ADARB2: variants seen among roughly 807,000 people sequenced by gnomAD.
ADARB2 encodes the protein adenosine deaminase RNA specific B2 (inactive).
ADARB2 carries 25 observed loss-of-function variants against 62.2 expected under a neutral mutation model. That is an observed-to-expected ratio of 0.40 (90% CI 0.29 to 0.56). The LOEUF is 0.56. Ranked by LOEUF, ADARB2 falls within the 20% of genes least tolerant of loss-of-function variation. ADARB2 has a pLI of 0.43. For synonymous variants in ADARB2, 572 were observed against 500.8 expected (o/e 1.14, Z -1.90); for missense variants, 1,071 against 1,077.4 (o/e 0.99, Z 0.08).
In ADARB2 at chr10:1,437,921, C is replaced by T. The variant is rs1218788817; in HGVS notation, c.101-58761G>A. On this transcript the variant is annotated intron_variant, in intron 1 of 9. Transcript: ENST00000381312. The stretch of plus-strand genomic sequence containing the variant: ...CAGATCTGCTATCTTTAATCTTCAA[C>T]GCGAGGCTCCCCACCTGGGGTCTCA... Among the ~76,000 whole-genome samples, 7 of 152,184 alleles carry T rather than the reference C, an allele frequency of 4.6e-5. No individual in the cohort carries two copies. The East Asian group carries it at 7.7e-4, about 17-fold the overall frequency.
Position 1,271,817 on chromosome 10 carries a change from GC to G in ADARB2, c.1078-749del, listed in dbSNP as rs1041178435. Among the ~76,000 whole-genome samples, 7 of 152,304 alleles carry G rather than the reference GC, an allele frequency of 4.6e-5. No individual in the cohort carries two copies. In the East Asian group the frequency reaches 1.2e-3, roughly 25 times the overall value. On this transcript the variant is annotated intron_variant, in intron 3 of 9. Transcript: ENST00000381312. ...AGCACTGCCCTTTCCTTGACATGGG[GC>G]CCCAAGCTTTTCTTCGGGGGCAGTT... is the stretch of plus-strand genomic sequence containing the variant.
In ADARB2 at chr10:1,262,152, G is replaced by T. The variant is rs1430385570; in HGVS notation, c.1192+8803C>A. On this transcript the variant is annotated intron_variant, in intron 4 of 9. Transcript: ENST00000381312. ...CTCTGGGGACTGTGGTGGGGTGGGG[G>T]GAGGGGGGAGGGATAGCATTGGGAG... Among the ~76,000 whole-genome samples the T allele has an allele frequency of 7.9e-4, 81 of 103,078 alleles. 1 individual carries two copies. The highest frequency in any genetic ancestry group is 1.4e-3 in the African/African-American group (35 of 24,760). The allele number at this position is 103,078 out of a possible 152,430, so 67.6% of individuals were successfully genotyped here.
intron 1 of ADARB2, among the ~76,000 whole-genome samples, chr10:1,709,716 C>G (rs1416142965): frequency 2.0e-5 from 3 of 152,166 alleles, no homozygotes; most frequent in Admixed American, 6.5e-5. Context: ...CATGCTTTCT[C>G]TCTGTATAGA....
At chr10:1,245,851 C>T (rs1830981710) in intron 4 of ADARB2, among the ~76,000 whole-genome samples, 1 of 151,394 alleles carries the variant, frequency 6.6e-6, no homozygotes, top group Admixed American at 6.6e-5. Flanking sequence ...GGGTATATAC[C>T]CAGTAATGGG....
chr10:1,535,443 C>T (rs769457316), intron 1 of ADARB2: 5 of 155,332 alleles, frequency 3.2e-5, no homozygotes, highest in Non-Finnish European at 5.9e-5. Flanking sequence ...AAATGTATCT[C>T]CTTCTTAGAT....
intron 3 of ADARB2, among the ~76,000 whole-genome samples, chr10:1,306,424 G>A (rs965622543): frequency 2.0e-5 from 3 of 151,670 alleles, no homozygotes; most frequent in Non-Finnish European, 4.4e-5. Context: ...ACAAACAAAT[G>A]GAAGAACATT....
rs1293885615 is a variant in ADARB2 at position 1,242,121 on chromosome 10, A to G, written c.1361+10T>C. On this transcript the variant is annotated intron_variant, in intron 5 of 9. Transcript: ENST00000381312. ...TCCGCCTTCCCTGGAGCCCGTCCCC[A>G]GCCGCTCACCTCAGGTGCAGCTCCA... is the stretch of plus-strand genomic sequence containing the variant. 13 of 1,593,808 alleles carry G rather than the reference A, an allele frequency of 8.2e-6. No individual in the cohort carries two copies. Among genetic ancestry groups the G allele is most frequent in the African/African-American group, 1.3e-5 (1 of 74,662 alleles).
At chr10:1,288,243 T>G (rs889637651) in intron 3 of ADARB2, among the ~76,000 whole-genome samples, 2 of 152,242 alleles carry the variant, frequency 1.3e-5, no homozygotes, top group African/African-American at 4.8e-5. Flanking sequence ...AATCAGAATT[T>G]ATTGTGCAAG....
chr10:1,720,084 A>C lies in ADARB2; in HGVS notation c.100+16967T>G, dbSNP rs548833807. ...AAAAGACACATGCACTTATATGTTCATCGCAGCACTATTCACAATAGCAAA... is the reference window on the plus strand; with the variant it reads ...AAAAGACACATGCACTTATATGTTCCTCGCAGCACTATTCACAATAGCAAA... On this transcript the variant is annotated intron_variant, in intron 1 of 9. Coordinates refer to ENST00000381312, the MANE Select transcript of ADARB2 (RefSeq NM_018702.4). Among the ~76,000 whole-genome samples, 10 of 152,370 alleles carry C rather than the reference A, an allele frequency of 6.6e-5. No individual in the cohort carries two copies. In the South Asian group the frequency reaches 2.1e-3, roughly 32 times the overall value.
chr10:1,221,380 G>A (rs1315552677), intron 6 of ADARB2, among the ~76,000 whole-genome samples: 1 of 151,156 alleles, frequency 6.6e-6, no homozygotes, highest in African/African-American at 2.4e-5. Flanking sequence ...GGTAAATAAG[G>A]ATAGTTTTTA....
chr10:1,621,163 T>C lies in ADARB2; in HGVS notation c.100+115888A>G, dbSNP rs547269283. ...TGCCAATCATTCAAGGCATCCAGCA[T>C]AGGAAATATTAAAATGTATTCATTT... On this transcript the variant is annotated intron_variant, in intron 1 of 9. Transcript: ENST00000381312. 2.2e-3 allele frequency among the ~76,000 whole-genome samples: 335 copies of C among 152,292 alleles called. 1 individual carries two copies. Among genetic ancestry groups the C allele is most frequent in the Non-Finnish European group, 3.7e-3 (253 of 68,012 alleles).
chr10:1,488,238 G>GAAAAA (rs1831569990), intron 1 of ADARB2, among the ~76,000 whole-genome samples: 1 of 133,346 alleles, frequency 7.5e-6, no homozygotes, highest in African/African-American at 2.6e-5. Flanking sequence ...AAAAAAAAAG[G>GAAAAA]ATGTACAAAC....
intron 1 of ADARB2, among the ~76,000 whole-genome samples, chr10:1,386,957 A>G (rs936094237): frequency 1.3e-5 from 2 of 151,970 alleles, no homozygotes. Flanking sequence ...TATATGTAAC[A>G]AAAAGATATA....
intron 1 of ADARB2, among the ~76,000 whole-genome samples, chr10:1,422,338 C>T (rs998725103): frequency 2.0e-5 from 3 of 152,096 alleles, no homozygotes; most frequent in Non-Finnish European, 2.9e-5. Context: ...GACAGCTGTC[C>T]GAGGGTGGAA....
rs1329056425 is a variant in ADARB2, at chr10:1,737,442, G to C, written c.-292C>G. The C allele has an allele frequency of 7.1e-6, 3 of 419,912 alleles. No homozygotes were observed. The highest frequency in any genetic ancestry group is 1.3e-5 in the Non-Finnish European group (3 of 230,350). 26.0% of individuals were successfully genotyped at this position (419,912 alleles called of 1,614,324 possible). On this transcript the variant is annotated 5_prime_UTR_variant, in exon 1 of 10. Coordinates refer to ENST00000381312, the MANE Select transcript of ADARB2 (RefSeq NM_018702.4). ...GCGTCCTGAGTGCTCCGAGCTTCCC[G>C]CGGGCTCTGCCTCCTGCTCTGGGCT...
chr10:1,676,947 A>C (rs1834473631), intron 1 of ADARB2, among the ~76,000 whole-genome samples: 1 of 152,172 alleles, frequency 6.6e-6, no homozygotes, highest in South Asian at 2.1e-4. Context: ...TTCAGCACCA[A>C]TCCTGTTTTC....
At chr10:1,577,147 G>T (rs1833032152) in intron 1 of ADARB2, among the ~76,000 whole-genome samples, 1 of 152,310 alleles carries the variant, frequency 6.6e-6, no homozygotes, top group East Asian at 1.9e-4. Context: ...AAGAAGCCCA[G>T]GTGCGCTCTG....
At chr10:1,316,394 T>G (rs1223795037) in intron 3 of ADARB2, among the ~76,000 whole-genome samples, 1 of 152,194 alleles carries the variant, frequency 6.6e-6, no homozygotes, top group African/African-American at 2.4e-5. Context: ...AGCCCTTGCC[T>G]TGTGGGGTTG....
chr10:1,610,308 G>C (rs1021669629), intron 1 of ADARB2, among the ~76,000 whole-genome samples: 2 of 152,150 alleles, frequency 1.3e-5, no homozygotes, highest in African/African-American at 4.8e-5. Context: ...TCAACGATAC[G>C]ATATGTCCAC....
Sources: allele counts gnomAD v4.1 joint callset (sites outside exome capture counted in the v4.1 genomes callset), GRCh38; gene constraint gnomAD v4.1.1; transcripts MANE v1.5; gene names NCBI Gene and HGNC (gene_info 2026-07-23, HGNC 2026-07-21).